The following PGCKA1 variants were observed in gnomAD, a reference collection of about 807,000 sequenced individuals.
PGCKA1 encodes PDCD10 and GCKIII kinases-associated protein 1.
the PGCKA1 span, among the ~76,000 whole-genome samples, chr4:37,512,044 A>G: frequency 6.6e-6 from 1 of 152,116 alleles, no homozygotes; most frequent in Non-Finnish European, 1.5e-5. Context: ...CCCCACAATC[A>G]CTGTGCTCTC....
At chr4:37,466,457 C>T in the PGCKA1 span, among the ~76,000 whole-genome samples, 1 of 152,074 alleles carries the variant, frequency 6.6e-6, no homozygotes, top group Non-Finnish European at 1.5e-5. Context: ...AGTTGGTGGT[C>T]TTTATTTTAA....
the PGCKA1 span, among the ~76,000 whole-genome samples, chr4:37,492,141 A>G: frequency 6.6e-6 from 1 of 151,828 alleles, no homozygotes; most frequent in South Asian, 2.1e-4. The surrounding 1 kb of genome is among the most constrained non-coding windows in gnomAD (Gnocchi z 4.7). Flanking sequence ...TCCCAGGTTC[A>G]AGTGATTCTC....
chr4:37,546,648 C>G, the PGCKA1 span, among the ~76,000 whole-genome samples: 152,367 of 152,370 alleles, frequency 1, 76,182 homozygotes, highest in Non-Finnish European at 1. Flanking sequence ...GAGAGGTTTT[C>G]CCTGCGGCTC....
At chr4:37,521,577 T>C in the PGCKA1 span, among the ~76,000 whole-genome samples, 2 of 152,224 alleles carry the variant, frequency 1.3e-5, no homozygotes, top group African/African-American at 2.4e-5. Flanking sequence ...TTTTTTTAAA[T>C]GTTTTAAGAC....
chr4:37,502,226 G>A, the PGCKA1 span, among the ~76,000 whole-genome samples: 5 of 152,210 alleles, frequency 3.3e-5, no homozygotes, highest in South Asian at 4.1e-4. Context: ...CGGCGGCAGT[G>A]CAACGGGGTG....
the PGCKA1 span, among the ~76,000 whole-genome samples, chr4:37,585,720 G>T: frequency 6.6e-6 from 1 of 151,938 alleles, no homozygotes; most frequent in African/African-American, 2.4e-5. Context: ...CAGCAGAAAA[G>T]GAAAGTAAAG....
the PGCKA1 span, among the ~76,000 whole-genome samples, chr4:37,522,174 C>G: frequency 6.6e-6 from 1 of 152,164 alleles, no homozygotes; most frequent in Non-Finnish European, 1.5e-5. Flanking sequence ...GCAGCAAGGT[C>G]TTTCAGGCCC....
At chr4:37,554,878 G>C in the PGCKA1 span, among the ~76,000 whole-genome samples, 1 of 152,184 alleles carries the variant, frequency 6.6e-6, no homozygotes, top group Non-Finnish European at 1.5e-5. Flanking sequence ...AGCTGGAGGA[G>C]TTCCCCAGAT....
At chr4:37,544,934 C>T in the PGCKA1 span, among the ~76,000 whole-genome samples, 4 of 151,552 alleles carry the variant, frequency 2.6e-5, no homozygotes, top group African/African-American at 4.9e-5. Context: ...CTTGGGGGCA[C>T]AACCTCTGCC....
At chr4:37,530,573 CAAAAAAAAAAAA>C in the PGCKA1 span, among the ~76,000 whole-genome samples, 1 of 71,380 alleles carries the variant, frequency 1.4e-5, no homozygotes, top group Non-Finnish European at 2.6e-5. Flanking sequence ...AACTATGTCT[CAAAAAAAAAAAA>C]AAAAAAAAAA....
At chr4:37,552,735 G>A in the PGCKA1 span, among the ~76,000 whole-genome samples, 1 of 151,978 alleles carries the variant, frequency 6.6e-6, no homozygotes. Context: ...AAGTCTTTCT[G>A]TACCCAACCC....
the PGCKA1 span, among the ~76,000 whole-genome samples, chr4:37,545,100 C>T: frequency 1.6e-3 from 240 of 152,242 alleles, no homozygotes; most frequent in Non-Finnish European, 2.5e-3. Flanking sequence ...AAGTGATCCA[C>T]GCACCTTGGC....
chr4:37,499,857 G>A, the PGCKA1 span, among the ~76,000 whole-genome samples: 1 of 144,854 alleles, frequency 6.9e-6, no homozygotes, highest in Non-Finnish European at 1.5e-5. Flanking sequence ...AGGTTACTTT[G>A]CTCTTGATTT....
chr4:37,467,440 T>C, the PGCKA1 span, among the ~76,000 whole-genome samples: 2 of 152,210 alleles, frequency 1.3e-5, no homozygotes, highest in African/African-American at 4.8e-5. Flanking sequence ...CAAACTGCCC[T>C]TCTTCTATCA....
chr4:37,513,832 G>A, the PGCKA1 span, among the ~76,000 whole-genome samples: 27 of 152,206 alleles, frequency 1.8e-4, no homozygotes, highest in Admixed American at 1.2e-3. Flanking sequence ...ATTCATATCT[G>A]TAGGGAGTAA....
chr4:37,498,965 A>C, the PGCKA1 span, among the ~76,000 whole-genome samples: 2 of 152,212 alleles, frequency 1.3e-5, no homozygotes. Context: ...TGGATTTGTA[A>C]TAGATGGCTC....
At chr4:37,546,493 A>G in the PGCKA1 span, among the ~76,000 whole-genome samples, 1 of 152,246 alleles carries the variant, frequency 6.6e-6, no homozygotes, top group African/African-American at 2.4e-5. Flanking sequence ...TGCTCAATCA[A>G]TCACGACCCT....
the PGCKA1 span, among the ~76,000 whole-genome samples, chr4:37,552,552 A>G: frequency 2.6e-5 from 4 of 152,244 alleles, no homozygotes; most frequent in East Asian, 1.9e-4. Flanking sequence ...TAATAAACAT[A>G]TAAACCAATG....
At chr4:37,483,405 G>T in the PGCKA1 span, among the ~76,000 whole-genome samples, 4 of 152,046 alleles carry the variant, frequency 2.6e-5, no homozygotes, top group South Asian at 8.4e-4. Flanking sequence ...CCACCCTAGA[G>T]GCATAAACCT....
Sources: gnomAD v4.1 joint callset for allele counts (sites outside exome capture counted in the v4.1 genomes callset) on GRCh38, gnomAD v4.1.1 for gene constraint, Gnocchi (gnomAD v3.1) non-coding constraint, MANE v1.5 for transcripts, NCBI Gene and HGNC (gene_info 2026-07-23, HGNC 2026-07-21) for gene names.